Variants in BLCAP observed in about 807,000 individuals in gnomAD.
BLCAP encodes the protein apoptosis inducing factor BLCAP.
A neutral mutation model predicts 5.7 loss-of-function variants in BLCAP; 1 was observed. The ratio of observed to expected loss-of-function variants is 0.18; its 90% CI spans 0.06 to 0.83. BLCAP has a LOEUF of 0.83. Ranked by LOEUF, BLCAP falls within the 40% of genes least tolerant of loss-of-function variation. The probability of loss-of-function intolerance (pLI) is 0.71; values close to 1 mark genes in which losing one functional copy is unlikely to be tolerated. For synonymous variants in BLCAP, 48 were observed against 49.4 expected (o/e 0.97, Z 0.11); for missense variants, 66 against 107.6 (o/e 0.61, Z 1.71).
At position 37,517,978 on chromosome 20, in the gene BLCAP, TAC is replaced by T. The variant is rs11473736; in HGVS notation, c.*931_*932del. ...TAAAAGGAATATACACATGTATTTG[TAC>T]ACACACACACACAGGGCACACCAAA... is the stretch of plus-strand genomic sequence containing the variant. On this transcript the variant is annotated 3_prime_UTR_variant, in exon 2 of 2. Coordinates refer to ENST00000373537, the MANE Select transcript of BLCAP (RefSeq NM_006698.4). The T allele has an allele frequency of 2.6e-5, 4 of 152,064 alleles. No homozygotes were observed. Among genetic ancestry groups the T allele is most frequent in the East Asian group, 1.9e-4 (1 of 5,182 alleles). The allele number at this position is 152,064 out of a possible 1,614,324, so 9.4% of individuals were successfully genotyped here. A position where few individuals can be genotyped will look rare whatever the true frequency, so the allele number is the denominator to read the frequency against.
At position 37,517,664 on chromosome 20, in the gene BLCAP, T is replaced by G. The variant is rs965406906; in HGVS notation, c.*1247A>C. On this transcript the variant is annotated 3_prime_UTR_variant, in exon 2 of 2. Coordinates refer to ENST00000373537, the MANE Select transcript of BLCAP (RefSeq NM_006698.4). ...CCAGCAGGCAGGGGCCAGGAGAAAGTCTCGTTTGCCAACACTTGTTACTGA... is the reference window on the plus strand; with the variant it reads ...CCAGCAGGCAGGGGCCAGGAGAAAGGCTCGTTTGCCAACACTTGTTACTGA... 1 of 152,514 alleles carries G rather than the reference T, an allele frequency of 6.6e-6. No homozygotes were observed. Among genetic ancestry groups the G allele is most frequent in the Non-Finnish European group, 1.5e-5 (1 of 68,030 alleles). The allele number at this position is 152,514 out of a possible 1,614,324, so 9.4% of individuals were successfully genotyped here. A position where few individuals can be genotyped will look rare whatever the true frequency, so the allele number is the denominator to read the frequency against.
intron 1 of BLCAP, chr20:37,522,624 G>A: frequency 6.5e-7 from 1 of 1,545,554 alleles, no homozygotes; most frequent in Non-Finnish European, 8.8e-7. Context: ...GACATGCTGT[G>A]GGTGCTCTCC....
chr20:37,522,342 G>A (rs1008060720), intron 1 of BLCAP: 25 of 1,609,278 alleles, frequency 1.6e-5, no homozygotes, highest in Non-Finnish European at 2.1e-5. Context: ...CAAAGGAATC[G>A]CATATTTCCT....
intron 1 of BLCAP, chr20:37,526,775 A>C (rs990520891): frequency 1.3e-5 from 2 of 152,234 alleles, no homozygotes; most frequent in Non-Finnish European, 2.9e-5. Context: ...CAAATCTTTT[A>C]ACAGATTTGC....
At chr20:37,522,486 A>T in intron 1 of BLCAP, 1 of 1,566,408 alleles carries the variant, frequency 6.4e-7, no homozygotes, top group Non-Finnish European at 8.8e-7. Context: ...TGCAGCTCTC[A>T]GCACAGTTGG....
Position 37,526,362 on chromosome 20 carries a change from T to TC in BLCAP, c.-177+1430dup, listed in dbSNP as rs557712298. ...ACACTAGTCAAACAACAATCTCTTTTCCCCCCGGTAACCTCTGACTTCCTC... is the reference window on the plus strand; with the variant it reads ...ACACTAGTCAAACAACAATCTCTTTTCCCCCCCGGTAACCTCTGACTTCCTC... On this transcript the variant is annotated intron_variant, in intron 1 of 1. Coordinates refer to ENST00000373537, the MANE Select transcript of BLCAP (RefSeq NM_006698.4). Among the ~76,000 whole-genome samples the TC allele has an allele frequency of 2.3e-3, 342 of 147,036 alleles. 1 individual carries two copies. Among genetic ancestry groups the TC allele is most frequent in the South Asian group, 6.6e-3 (30 of 4,568 alleles).
intron 1 of BLCAP, among the ~76,000 whole-genome samples, chr20:37,525,144 G>C (rs529733156): frequency 6.6e-6 from 1 of 152,148 alleles, no homozygotes. Context: ...TATCTTGGCA[G>C]GCCTCAAAAC....
chr20:37,526,324 G>A (rs2071720598), intron 1 of BLCAP, among the ~76,000 whole-genome samples: 1 of 118,362 alleles, frequency 8.4e-6, no homozygotes, highest in Admixed American at 1.3e-4. Context: ...GTGCACTCAT[G>A]CACATACACA....
In BLCAP at chr20:37,519,140, A is replaced by G; in HGVS notation, c.35T>C (p.Leu12Pro). The G allele has an allele frequency of 6.2e-7, 1 of 1,602,418 alleles. No individual in the cohort carries two copies. Among genetic ancestry groups the G allele is most frequent in the Non-Finnish European group, 8.5e-7 (1 of 1,175,208 alleles). Residue 12 changes from leucine (L) to proline (P), a missense_variant, in exon 2 of 2, where the codon CTC becomes CCC. Coordinates refer to ENST00000373537, the MANE Select transcript of BLCAP (RefSeq NM_006698.4). ...YCLQWLLPVL[L>P]IPKPLNPALW... is the part of the protein sequence containing the mutation. ...GGCGGGGTTGAGGGGCTTGGGGATGAGGAGGACGGGCAGCAGCCACTGGAG... is the reference window on the plus strand; with the variant it reads ...GGCGGGGTTGAGGGGCTTGGGGATGGGGAGGACGGGCAGCAGCCACTGGAG...
intron 1 of BLCAP, among the ~76,000 whole-genome samples, chr20:37,522,179 A>AC (rs1235352522): frequency 0.024 from 69 of 2,884 alleles, 1 homozygote; most frequent in Non-Finnish European, 0.014. Flanking sequence ...CAATTGCTTT[A>AC]CAAAAAAAAA....
rs143883420 is a variant in BLCAP at position 37,521,527 on chromosome 20, C to T, written c.-176-2177G>A. 0.038 allele frequency: 38,032 copies of T among 996,852 alleles called. 930 individuals are homozygous for T. The highest frequency in any genetic ancestry group is 0.047 in the South Asian group (3,360 of 71,240). The allele number at this position is 996,852 out of a possible 1,614,324, so 61.8% of individuals were successfully genotyped here. A position where few individuals can be genotyped will look rare whatever the true frequency, so the allele number is the denominator to read the frequency against. ...TTCCGATTGCCGCGATCCTTGCCTGCCCAAGTGCCGCTGCCGGCACCGCGC... is the reference window on the plus strand; with the variant it reads ...TTCCGATTGCCGCGATCCTTGCCTGTCCAAGTGCCGCTGCCGGCACCGCGC... On this transcript the variant is annotated intron_variant, in intron 1 of 1. Transcript: ENST00000373537. This position sits in a 1 kb window ranked among gnomAD's most constrained non-coding sequence, Gnocchi z 4.5.
At position 37,522,534 on chromosome 20, in the gene BLCAP, C is replaced by A. The variant is rs990074779; in HGVS notation, c.-176-3184G>T. On this transcript the variant is annotated intron_variant, in intron 1 of 1. Transcript: ENST00000373537. ...TGCCCTGACTCGTGGACAAGCTGCG[C>A]CCGCGCCCGCCTCTCCAGCCTACGC... 7 of 1,367,984 alleles carry A rather than the reference C, an allele frequency of 5.1e-6. No homozygotes were observed. In the Admixed American group the frequency reaches 1.3e-4, roughly 25 times the overall value. The allele number at this position is 1,367,984 out of a possible 1,614,324, so 84.7% of individuals were successfully genotyped here. A position where few individuals can be genotyped will look rare whatever the true frequency, so the allele number is the denominator to read the frequency against.
At chr20:37,519,404 CAAAAAAAAAAA>C (rs543149253) in intron 1 of BLCAP, 54 bp from the exon 2 acceptor site, 40 of 42,980 alleles carry the variant, frequency 9.3e-4, no homozygotes, top group Non-Finnish European at 1.3e-4. Context: ...GACAGACAGA[CAAAAAAAAAAA>C]AAAAAAAAGA....
At chr20:37,523,464 C>G (rs2071660752) in intron 1 of BLCAP, 1 of 152,762 alleles carries the variant, frequency 6.5e-6, no homozygotes, top group Admixed American at 6.5e-5. Context: ...CTCTGAACCC[C>G]CCTTGCCCCT....
At chr20:37,526,352 C>G (rs1241578772) in intron 1 of BLCAP, among the ~76,000 whole-genome samples, 2 of 123,616 alleles carry the variant, frequency 1.6e-5, no homozygotes, top group Non-Finnish European at 3.2e-5. Context: ...AGTCAAACAA[C>G]AATCTCTTTT....
At position 37,522,581 on chromosome 20, in the gene BLCAP, G is replaced by A. The variant is rs578133831; in HGVS notation, c.-176-3231C>T. On this transcript the variant is annotated intron_variant, in intron 1 of 1. Transcript: ENST00000373537. ...ACGCTGGATGGGCGGGCGGGGCAGG[G>A]GGTGGGGCGGGGGTGGGCACGGCAG... is the stretch of plus-strand genomic sequence containing the variant. 3.7e-4 allele frequency: 524 copies of A among 1,406,084 alleles called. No homozygotes were observed. In the African/African-American group the frequency reaches 6.4e-3, roughly 17 times the overall value. 87.1% of individuals were successfully genotyped at this position (1,406,084 alleles called of 1,614,324 possible). A position where few individuals can be genotyped will look rare whatever the true frequency, so the allele number is the denominator to read the frequency against.
At position 37,518,911 on chromosome 20, in the gene BLCAP, T is replaced by C. The variant is rs1219550472; in HGVS notation, c.264A>G (p.Ter88=). 2 of 1,613,918 alleles carry C rather than the reference T, an allele frequency of 1.2e-6. No individual in the cohort carries two copies. Residue 88 remains the stop codon, a stop_retained_variant, in exon 2 of 2, where the codon TAA becomes TAG. Transcript: ENST00000373537. ...SAHDPGVVGT[*] The stretch of plus-strand genomic sequence containing the variant: ...CTTGGAAAGCTAACAGGGCAGGCCG[T>C]TAGGTGCCCACAACGCCGGGATCAT...
Position 37,521,354 on chromosome 20 carries a change from C to G in BLCAP, c.-176-2004G>C. ...ACCATGGCGGCAGTGGCGGCGGCCTCGGCTGAACTGCTCATCATCGGCTGG... is the reference window on the plus strand; with the variant it reads ...ACCATGGCGGCAGTGGCGGCGGCCTGGGCTGAACTGCTCATCATCGGCTGG... On this transcript the variant is annotated intron_variant, in intron 1 of 1. Transcript: ENST00000373537. The surrounding 1 kb of genome is among the most constrained non-coding windows in gnomAD (Gnocchi z 4.5). 6.2e-7 allele frequency: 1 copy of G among 1,614,098 alleles called. No homozygotes were observed. Among genetic ancestry groups the G allele is most frequent in the Non-Finnish European group, 8.5e-7 (1 of 1,179,972 alleles).
At position 37,521,164 on chromosome 20, in the gene BLCAP, A is replaced by AC; in HGVS notation, c.-176-1815dup. ...TGGCGAATGAGGAGCGCCCCCAGCC[A>AC]CCCCTCCTCATAAACACCCCCCAAG... On this transcript the variant is annotated intron_variant, in intron 1 of 1. Coordinates refer to ENST00000373537, the MANE Select transcript of BLCAP (RefSeq NM_006698.4). The surrounding 1 kb of genome is among the most constrained non-coding windows in gnomAD (Gnocchi z 4.5). 10 of 690,800 alleles carry AC rather than the reference A, an allele frequency of 1.4e-5. No individual in the cohort carries two copies. In the South Asian group the frequency reaches 1.7e-4, roughly 12 times the overall value. The allele number at this position is 690,800 out of a possible 1,614,324, so 42.8% of individuals were successfully genotyped here. A position where few individuals can be genotyped will look rare whatever the true frequency, so the allele number is the denominator to read the frequency against.
Sources: allele counts gnomAD v4.1 joint callset (sites outside exome capture counted in the v4.1 genomes callset), GRCh38; gene constraint gnomAD v4.1.1; non-coding constraint Gnocchi (gnomAD v3.1); transcripts MANE v1.5; gene names NCBI Gene and HGNC (gene_info 2026-07-23, HGNC 2026-07-21).